Variants in VCL observed in about 807,000 individuals in gnomAD.
VCL encodes epididymis luminal protein 114.
A neutral mutation model predicts 125.7 loss-of-function variants in VCL; 47 were observed. That is an observed-to-expected ratio of 0.37 (90% confidence interval 0.30 to 0.48). The LOEUF (loss-of-function observed/expected upper bound fraction) is 0.48, where lower values mean the gene tolerates loss of function less well. Ranked by LOEUF, VCL falls within the 20% of genes least tolerant of loss-of-function variation. The pLI is 0.99. For synonymous variants in VCL, 458 were observed against 514.6 expected (o/e 0.89, Z 1.49); for missense variants, 1,069 against 1,455.5 (o/e 0.73, Z 4.32).
chr10:74,120,862 T>C (rs2131949014), downstream of VCL: 1 of 152,086 alleles, frequency 6.6e-6, no homozygotes, highest in East Asian at 1.9e-4. Flanking sequence ...ATAGAATAAA[T>C]AGGGTTTTCA....
chr10:74,103,473 C>T (rs554159288), intron 14 of VCL, among the ~76,000 whole-genome samples: 11 of 152,224 alleles, frequency 7.2e-5, no homozygotes, highest in South Asian at 2.1e-4. Flanking sequence ...GAGTACTTTT[C>T]GGTATCCTTC....
intron 2 of VCL, among the ~76,000 whole-genome samples, chr10:74,052,230 C>T (rs1340451709): frequency 1.3e-5 from 2 of 152,030 alleles, no homozygotes; most frequent in African/African-American, 2.4e-5. Flanking sequence ...CCAGTGTCCA[C>T]GCCCTGCCTC....
intron 1 of VCL, among the ~76,000 whole-genome samples, chr10:74,042,109 A>AT (rs899617897): frequency 7.9e-5 from 12 of 151,982 alleles, no homozygotes; most frequent in Non-Finnish European, 1.3e-4. Context: ...ATACATGTGG[A>AT]TTTTTTTTGG....
At chr10:74,064,229 A>C (rs1172905247) in intron 2 of VCL, among the ~76,000 whole-genome samples, 1 of 152,170 alleles carries the variant, frequency 6.6e-6, no homozygotes, top group Non-Finnish European at 1.5e-5. Flanking sequence ...GAAGAGATGC[A>C]TAGGGCAAGA....
At chr10:74,095,019 T>A (rs1335238700) in intron 11 of VCL, among the ~76,000 whole-genome samples, 1 of 152,200 alleles carries the variant, frequency 6.6e-6, no homozygotes, top group Non-Finnish European at 1.5e-5. Flanking sequence ...ACATATATAA[T>A]TTACTGGAGA....
Position 74,074,712 on chromosome 10 carries a change from A to T in VCL, c.623-31A>T, listed in dbSNP as rs1261291762. On this transcript the variant is annotated intron_variant, in intron 5 of 21. Coordinates refer to ENST00000211998, the MANE Select transcript of VCL (RefSeq NM_014000.3). ...TTGTTATACAACAAGATTAAATTCC[A>T]AGCTTACTTTCTGATCTTTTATTTT... 3 of 1,608,310 alleles carry T rather than the reference A, an allele frequency of 1.9e-6. No individual in the cohort carries two copies. In the East Asian group the frequency reaches 6.7e-5, roughly 36 times the overall value.
rs1000772806 is a variant in VCL, at chr10:74,066,217, G to A, written c.240-4453G>A. On this transcript the variant is annotated intron_variant, in intron 2 of 21. Coordinates refer to ENST00000211998, the MANE Select transcript of VCL (RefSeq NM_014000.3). ...TGGGATTACAGGCATGTGCCACCACGCCCAGCAAATTTTGTATTTTTAATA... is the reference window on the plus strand; with the variant it reads ...TGGGATTACAGGCATGTGCCACCACACCCAGCAAATTTTGTATTTTTAATA... Among the ~76,000 whole-genome samples, 14 of 151,976 alleles carry A rather than the reference G, an allele frequency of 9.2e-5. No individual in the cohort carries two copies. The South Asian group carries it at 1.5e-3, about 16-fold the overall frequency.
At chr10:74,032,712 ATAT>A (rs1840903920) in intron 1 of VCL, among the ~76,000 whole-genome samples, 12 of 125,226 alleles carry the variant, frequency 9.6e-5, no homozygotes, top group Non-Finnish European at 1.2e-4. Flanking sequence ...AAAAAAAAAT[ATAT>A]ATATATATAT....
At chr10:74,024,959 A>G (rs963333231) in intron 1 of VCL, among the ~76,000 whole-genome samples, 1 of 152,230 alleles carries the variant, frequency 6.6e-6, no homozygotes. Context: ...GTAGAGTTAC[A>G]GAATCACACA....
intron 1 of VCL, among the ~76,000 whole-genome samples, chr10:73,999,302 C>T (rs978716227): frequency 6.6e-6 from 1 of 152,184 alleles, no homozygotes; most frequent in Admixed American, 6.5e-5. Flanking sequence ...ATCCGCTCCC[C>T]ATCCACAACT....
Position 74,071,237 on chromosome 10 carries a change from T to G in VCL, c.499+154T>G, listed in dbSNP as rs143333136. 1.4e-3 allele frequency among the ~76,000 whole-genome samples: 218 copies of G among 152,358 alleles called. 1 individual carries two copies. The highest frequency in any genetic ancestry group is 2.6e-3 in the Non-Finnish European group (174 of 68,034). ...TGTTGATGGAGATGATGCTGTGCTT[T>G]GAGGTGATGTCATTATCTCTGGTAT... On this transcript the variant is annotated intron_variant, in intron 4 of 21. Coordinates refer to ENST00000211998, the MANE Select transcript of VCL (RefSeq NM_014000.3). This position sits in a 1 kb window ranked among gnomAD's most constrained non-coding sequence, Gnocchi z 4.1.
At position 74,089,319 on chromosome 10, in the gene VCL, G is replaced by C; in HGVS notation, c.1146G>C (p.Gln382His). 1.2e-6 allele frequency: 2 copies of C among 1,614,168 alleles called. No homozygotes were observed. The highest frequency in any genetic ancestry group is 1.7e-6 in the Non-Finnish European group (2 of 1,180,038). The change falls in exon 9 of 22, where the codon CAG (glutamine) becomes CAC (histidine). Residue 382 changes from glutamine (Q) to histidine (H), a missense_variant. Physicochemically the swap from Gln to His is conservative, Grantham distance 24. Coordinates refer to ENST00000211998, the MANE Select transcript of VCL (RefSeq NM_014000.3). Reference sequence around the variant, plus strand: ...TGGAAGCCATGACCAACTCAAAGCAGAGCATTGCAAAGAAGATCGATGCTG... The same window carrying C: ...TGGAAGCCATGACCAACTCAAAGCACAGCATTGCAAAGAAGATCGATGCTG... ...RKLEAMTNSK[Q>H]SIAKKIDAAQ...
chr10:74,082,476 C>G lies in VCL; in HGVS notation c.806C>G (p.Ala269Gly), dbSNP rs762710405. Residue 269 changes from alanine (A) to glycine (G), a missense_variant, in exon 7 of 22, where the codon GCA becomes GGA. Ala to Gly is a moderately conservative substitution (Grantham distance 60). Coordinates refer to ENST00000211998, the MANE Select transcript of VCL (RefSeq NM_014000.3). ...AAGGACACTGAAGCCATGAAGAGAGCATTGGCCTCCATAGACTCCAAACTG... is the reference window on the plus strand; with the variant it reads ...AAGGACACTGAAGCCATGAAGAGAGGATTGGCCTCCATAGACTCCAAACTG... ...ASKDTEAMKRALASIDSKLNQ... is the reference protein window; with the variant it reads ...ASKDTEAMKRGLASIDSKLNQ... 11 of 1,614,188 alleles carry G rather than the reference C, an allele frequency of 6.8e-6. No individual in the cohort carries two copies. The highest frequency in any genetic ancestry group is 5.0e-5 in the Admixed American group (3 of 60,022).
intron 7 of VCL, 28 bp downstream of exon 7, chr10:74,082,572 C>G (rs770660569): frequency 5.6e-6 from 9 of 1,607,694 alleles, no homozygotes; most frequent in Non-Finnish European, 6.8e-6. Flanking sequence ...CTTTTCTGAT[C>G]AATACAACGA....
In VCL at chr10:74,097,465, G is replaced by GA; in HGVS notation, c.1872+136dup. On this transcript the variant is annotated intron_variant, in intron 13 of 21. Coordinates refer to ENST00000211998, the MANE Select transcript of VCL (RefSeq NM_014000.3). The surrounding 1 kb of genome is among the most constrained non-coding windows in gnomAD (Gnocchi z 4.1). ...ATGAAGGGTGGAAGAGCAGAACAGG[G>GA]AAAGCCCTACCACCTCTACTTTTAG... 1 of 1,355,032 alleles carries GA rather than the reference G, an allele frequency of 7.4e-7. No individual in the cohort carries two copies. Among genetic ancestry groups the GA allele is most frequent in the Non-Finnish European group, 1.0e-6 (1 of 969,448 alleles). The allele number at this position is 1,355,032 out of a possible 1,614,324, so 83.9% of individuals were successfully genotyped here. A position where few individuals can be genotyped will look rare whatever the true frequency, so the allele number is the denominator to read the frequency against.
intron 14 of VCL, among the ~76,000 whole-genome samples, chr10:74,102,287 T>G (rs969592406): frequency 1.3e-5 from 2 of 151,904 alleles, no homozygotes; most frequent in Non-Finnish European, 2.9e-5. Flanking sequence ...TTTTTCTACT[T>G]ATTGTGTAAC....
intron 5 of VCL, among the ~76,000 whole-genome samples, chr10:74,073,060 C>G (rs1435068862): frequency 6.6e-6 from 1 of 151,896 alleles, no homozygotes; most frequent in Non-Finnish European, 1.5e-5. Context: ...CCTGCCTCAG[C>G]CTTCTGAGTA....
intron 1 of VCL, among the ~76,000 whole-genome samples, chr10:74,032,113 C>T (rs1840885466): frequency 7.0e-6 from 1 of 143,802 alleles, no homozygotes; most frequent in Admixed American, 6.9e-5. Flanking sequence ...GTTGTATACA[C>T]CTGTACTTCC....
At chr10:74,017,144 T>G in intron 1 of VCL, among the ~76,000 whole-genome samples, 1 of 140,590 alleles carries the variant, frequency 7.1e-6, no homozygotes, top group Non-Finnish European at 1.5e-5. Flanking sequence ...GCCTCCCGGG[T>G]TCACGCCATT....
Sources: gnomAD v4.1 joint callset for allele counts (sites outside exome capture counted in the v4.1 genomes callset) on GRCh38, gnomAD v4.1.1 for gene constraint, Gnocchi (gnomAD v3.1) non-coding constraint, MANE v1.5 for transcripts, NCBI Gene and HGNC (gene_info 2026-07-23, HGNC 2026-07-21) for gene names.